The following SPIN1 variants were observed in gnomAD, a reference collection of about 807,000 sequenced individuals.
SPIN1 encodes the protein spindlin-1.
Under a neutral mutation model 26.0 loss-of-function variants are expected in SPIN1, and 3 were observed. That is an observed-to-expected ratio of 0.12 (90% CI 0.05 to 0.30). The LOEUF (loss-of-function observed/expected upper bound fraction) is 0.30. Among genes scored for constraint, SPIN1 ranks in the 10% least tolerant of loss-of-function variants. The pLI, the probability that SPIN1 is intolerant of heterozygous loss-of-function variation, is 1.00. For synonymous variants in SPIN1, 101 were observed against 116.5 expected (o/e 0.87, Z 0.86); for missense variants, 126 against 333.4 (o/e 0.38, Z 4.84).
At chr9:88,410,668 G>C in intron 1 of SPIN1, 1 of 1,305,762 alleles carries the variant, frequency 7.7e-7, no homozygotes, top group Non-Finnish European at 1.1e-6. Flanking sequence ...TCCTTCCTTC[G>C]TGGGTCCAAA....
chr9:88,457,008 C>T (rs11142307), intron 3 of SPIN1, among the ~76,000 whole-genome samples: 28,270 of 151,970 alleles, frequency 0.19, 3,478 homozygotes, highest in African/African-American at 0.35. Context: ...AATTCACTAA[C>T]AATTGAGCTA....
chr9:88,395,354 C>T (rs927227770), intron 1 of SPIN1, among the ~76,000 whole-genome samples: 2 of 102,798 alleles, frequency 1.9e-5, no homozygotes, highest in African/African-American at 1.1e-4. Flanking sequence ...ACTGCTCTGC[C>T]GTTCTATGCA....
intron 1 of SPIN1, among the ~76,000 whole-genome samples, chr9:88,413,122 A>G (rs958748200): frequency 1.4e-4 from 20 of 142,180 alleles, no homozygotes; most frequent in African/African-American, 5.4e-4. Flanking sequence ...GCTAGAGTGC[A>G]GTAGTGCGAT....
At chr9:88,394,666 C>T (rs1241664334) in intron 1 of SPIN1, among the ~76,000 whole-genome samples, 2 of 152,092 alleles carry the variant, frequency 1.3e-5, no homozygotes, top group Admixed American at 6.5e-5. Flanking sequence ...AATATATCCA[C>T]ATAAGCATGT....
At chr9:88,433,640 A>G (rs1176022713) in intron 2 of SPIN1, among the ~76,000 whole-genome samples, 2 of 152,164 alleles carry the variant, frequency 1.3e-5, no homozygotes, top group African/African-American at 2.4e-5. Flanking sequence ...TCCTCCATAG[A>G]TGATGATCAC....
At chr9:88,455,268 C>A (rs1319593269) in intron 3 of SPIN1, among the ~76,000 whole-genome samples, 5 of 152,172 alleles carry the variant, frequency 3.3e-5, no homozygotes, top group African/African-American at 1.2e-4. Flanking sequence ...AGTTTGAGAC[C>A]AGCCTGATCA....
At chr9:88,458,282 C>T (rs2118172707) in intron 3 of SPIN1, among the ~76,000 whole-genome samples, 1 of 152,272 alleles carries the variant, frequency 6.6e-6, no homozygotes, top group South Asian at 2.1e-4. Context: ...GTATGAGACT[C>T]ATAGTATCAT....
chr9:88,456,638 C>A (rs1439184178), intron 3 of SPIN1, among the ~76,000 whole-genome samples: 5 of 152,216 alleles, frequency 3.3e-5, no homozygotes, highest in Admixed American at 6.5e-5. Context: ...CCTGCACTTA[C>A]TGCTCAGAGG....
chr9:88,427,104 A>G (rs1001471564), intron 2 of SPIN1, among the ~76,000 whole-genome samples: 5 of 152,206 alleles, frequency 3.3e-5, no homozygotes, highest in Non-Finnish European at 5.9e-5. Flanking sequence ...GCCTGCCCCA[A>G]TAAAGATAAA....
chr9:88,428,542 TTTTC>T (rs1382684174), intron 2 of SPIN1, among the ~76,000 whole-genome samples: 3 of 152,234 alleles, frequency 2.0e-5, no homozygotes, highest in Non-Finnish European at 2.9e-5. Context: ...AACATTGCTA[TTTTC>T]TTTATCGATT....
At chr9:88,391,375 G>C (rs936051265) in intron 1 of SPIN1, 2 of 172,732 alleles carry the variant, frequency 1.2e-5, no homozygotes, top group African/African-American at 2.4e-5. Context: ...TGGTTGAATT[G>C]GCTTGGTGTC....
At chr9:88,469,887 C>T (rs992435562) in intron 5 of SPIN1, among the ~76,000 whole-genome samples, 13 of 152,320 alleles carry the variant, frequency 8.5e-5, no homozygotes, top group African/African-American at 2.4e-4. Flanking sequence ...TTTTAATATA[C>T]GCACAGATAT....
chr9:88,419,440 G>T (rs545105188), intron 1 of SPIN1, among the ~76,000 whole-genome samples: 3 of 152,202 alleles, frequency 2.0e-5, no homozygotes, highest in Non-Finnish European at 4.4e-5. Context: ...CCCTTGTGCA[G>T]GTAGTGTGCT....
chr9:88,431,104 T>C (rs6560087), intron 2 of SPIN1, among the ~76,000 whole-genome samples: 49,786 of 151,786 alleles, frequency 0.33, 15,355 homozygotes, highest in African/African-American at 0.82. Context: ...AGGCTGATCT[T>C]GAACTCCTGA....
intron 1 of SPIN1, among the ~76,000 whole-genome samples, chr9:88,414,376 A>T (rs982045184): frequency 2.0e-5 from 3 of 152,232 alleles, no homozygotes; most frequent in Non-Finnish European, 4.4e-5. Context: ...AACATAAACT[A>T]GGTGCTCACC....
chr9:88,434,474 A>G (rs1827958864), intron 2 of SPIN1, among the ~76,000 whole-genome samples: 1 of 151,984 alleles, frequency 6.6e-6, no homozygotes, highest in Non-Finnish European at 1.5e-5. Flanking sequence ...ATAAAGCTAT[A>G]TATTAAAGAA....
At chr9:88,396,683 T>C (rs1023098388) in intron 1 of SPIN1, among the ~76,000 whole-genome samples, 2 of 152,116 alleles carry the variant, frequency 1.3e-5, no homozygotes, top group African/African-American at 4.8e-5. Flanking sequence ...AGGGTACACA[T>C]ATAGTTGGTG....
At chr9:88,402,831 T>C (rs1827218879) in intron 1 of SPIN1, among the ~76,000 whole-genome samples, 1 of 152,236 alleles carries the variant, frequency 6.6e-6, no homozygotes, top group African/African-American at 2.4e-5. Flanking sequence ...TAGCCAGTAG[T>C]GGGATTGCTG....
chr9:88,440,766 A>G (rs1828105793), intron 2 of SPIN1, among the ~76,000 whole-genome samples: 2 of 151,510 alleles, frequency 1.3e-5, no homozygotes, highest in Admixed American at 1.3e-4. Context: ...TTTTGTAGAG[A>G]TGGGGTTTCA....
Sources: gnomAD v4.1 joint callset for allele counts (sites outside exome capture counted in the v4.1 genomes callset) on GRCh38, gnomAD v4.1.1 for gene constraint, MANE v1.5 for transcripts, NCBI Gene and HGNC (gene_info 2026-07-23, HGNC 2026-07-21) for gene names.